The following SLCO3A1 variants were observed in gnomAD, a reference collection of about 807,000 sequenced individuals.
SLCO3A1 encodes the protein PGE1 transporter.
SLCO3A1 carries 27 observed loss-of-function variants against 63.1 expected under a neutral mutation model. The observed-to-expected ratio is 0.43, with a 90% CI of 0.32 to 0.59. The LOEUF is 0.59. SLCO3A1 is among the 20% of genes least tolerant of loss of function. The probability of loss-of-function intolerance (pLI) is 0.09; values close to 1 mark genes in which losing one functional copy is unlikely to be tolerated. For synonymous variants in SLCO3A1, 473 were observed against 409.9 expected, an observed-to-expected ratio of 1.15 and a Z score of -1.86; for missense variants, 773 against 945.8, an observed-to-expected ratio of 0.82 and a Z score of 2.40.
intron 4 of SLCO3A1, among the ~76,000 whole-genome samples, chr15:92,111,703 C>G: frequency 6.6e-6 from 1 of 152,200 alleles, no homozygotes; most frequent in African/African-American, 2.4e-5. Flanking sequence ...CAGCAAAGCT[C>G]CTGAGACAAA....
chr15:92,081,246 C>T (rs1228872028), intron 2 of SLCO3A1, among the ~76,000 whole-genome samples: 1 of 152,136 alleles, frequency 6.6e-6, no homozygotes, highest in African/African-American at 2.4e-5. Flanking sequence ...CTGCCCCCTT[C>T]CCAGCCTCTG....
chr15:92,033,754 G>T lies in SLCO3A1; in HGVS notation c.647-61127G>T, dbSNP rs1036773075. ...GACGGGGATAGGAGTGTTGGGAGTCGTACAGTTTTAGTGTCAGAGGGGCAG... is the reference window on the plus strand; with the variant it reads ...GACGGGGATAGGAGTGTTGGGAGTCTTACAGTTTTAGTGTCAGAGGGGCAG... On this transcript the variant is annotated intron_variant, in intron 2 of 9. Transcript: ENST00000318445. This position sits in a 1 kb window ranked among gnomAD's most constrained non-coding sequence, Gnocchi z 4.5. 6.6e-6 allele frequency among the ~76,000 whole-genome samples: 1 copy of T among 152,158 alleles called. No homozygotes were observed. The highest frequency in any genetic ancestry group is 2.1e-4 in the South Asian group (1 of 4,818).
chr15:91,872,376 CA>C lies in SLCO3A1; in HGVS notation c.180+18295del, dbSNP rs1175178483. On this transcript the variant is annotated intron_variant, in intron 1 of 9. Transcript: ENST00000318445. This position sits in a 1 kb window ranked among gnomAD's most constrained non-coding sequence, Gnocchi z 4.1. ...TGAAACCCCTTCTCTACTAAAAATA[CA>C]AAAAAATAGCCGGGCATGGTGGCAG... Among the ~76,000 whole-genome samples, 2 of 151,764 alleles carry C rather than the reference CA, an allele frequency of 1.3e-5. No individual in the cohort carries two copies. The highest frequency in any genetic ancestry group is 1.9e-4 in the East Asian group (1 of 5,160).
intron 2 of SLCO3A1, among the ~76,000 whole-genome samples, chr15:92,093,261 A>C (rs535199558): frequency 1.1e-3 from 160 of 152,294 alleles, no homozygotes; most frequent in African/African-American, 3.7e-3. Flanking sequence ...AGGTCTCCAG[A>C]AGCTTCCAAT....
chr15:92,127,354 A>G (rs2047937578), intron 6 of SLCO3A1, among the ~76,000 whole-genome samples: 1 of 102,512 alleles, frequency 9.8e-6, no homozygotes, highest in Non-Finnish European at 2.2e-5. Context: ...AAAAGAAAAG[A>G]AAAGTGTATA....
At chr15:91,898,296 T>C (rs1898060640) in intron 1 of SLCO3A1, among the ~76,000 whole-genome samples, 1 of 152,266 alleles carries the variant, frequency 6.6e-6, no homozygotes, top group Non-Finnish European at 1.5e-5. Flanking sequence ...TTCTAGACGC[T>C]TGAGATCACA....
intron 2 of SLCO3A1, among the ~76,000 whole-genome samples, chr15:92,003,460 A>C (rs1318901994): frequency 2.0e-5 from 3 of 152,226 alleles, no homozygotes; most frequent in Non-Finnish European, 4.4e-5. Context: ...CATTGGCCTC[A>C]GCATCTATCA....
chr15:92,053,076 T>C (rs2046976850), intron 2 of SLCO3A1, among the ~76,000 whole-genome samples: 1 of 152,178 alleles, frequency 6.6e-6, no homozygotes, highest in African/African-American at 2.4e-5. Flanking sequence ...CTTATGCCCC[T>C]AAGTTTTTCT....
At position 92,163,092 on chromosome 15, in the gene SLCO3A1, T is replaced by C; in HGVS notation, c.2090T>C (p.Leu697Pro). Residue 697 changes from leucine (L) to proline (P), a missense_variant, in exon 10 of 10, where the codon CTG becomes CCG. Physicochemically the swap from Leu to Pro is moderately conservative, Grantham distance 98. This residue lies in a region of SLCO3A1 where 139 missense variants were observed against 131.4 expected (regional missense o/e 1.06). Transcript: ENST00000318445. Reference protein sequence around the residue: ...QTHRTKFIYNLEDHEWCENME... With the variant: ...QTHRTKFIYNPEDHEWCENME... ...CATAGGACAAAGTTTATCTATAACC[T>C]GGAAGACCATGAGTGGTGTGAAAAC... The C allele has an allele frequency of 6.5e-7, 1 of 1,539,974 alleles. No homozygotes were observed. The highest frequency in any genetic ancestry group is 8.7e-7 in the Non-Finnish European group (1 of 1,145,348).
In SLCO3A1 at chr15:92,011,544, T is replaced by G. The variant is rs866036549; in HGVS notation, c.647-83337T>G. Among the ~76,000 whole-genome samples, 7 of 152,358 alleles carry G rather than the reference T, an allele frequency of 4.6e-5. No homozygotes were observed. The South Asian group carries it at 1.2e-3, about 27-fold the overall frequency. On this transcript the variant is annotated intron_variant, in intron 2 of 9. Transcript: ENST00000318445. ...AAAAATTCCATCTTATCAGAGAGGC[T>G]TACCTGGGTCACCCTATGTAAAATG...
intron 2 of SLCO3A1, among the ~76,000 whole-genome samples, chr15:92,034,442 G>C (rs748167075): frequency 6.6e-6 from 1 of 151,544 alleles, no homozygotes; most frequent in Non-Finnish European, 1.5e-5. Context: ...GGGAATGTGA[G>C]TTTATGAGTC....
intron 2 of SLCO3A1, among the ~76,000 whole-genome samples, chr15:91,922,642 T>C (rs1315963464): frequency 6.6e-6 from 1 of 152,184 alleles, no homozygotes; most frequent in Non-Finnish European, 1.5e-5. Flanking sequence ...GTGGATTGGG[T>C]ATGGATCAAA....
At chr15:92,123,676 C>T (rs1261377090) in intron 5 of SLCO3A1, among the ~76,000 whole-genome samples, 3 of 152,078 alleles carry the variant, frequency 2.0e-5, no homozygotes, top group Non-Finnish European at 4.4e-5. Flanking sequence ...CTTTGTTATC[C>T]CCAGGATCTC....
Position 91,948,988 on chromosome 15 carries a change from T to G in SLCO3A1, c.646+32530T>G, listed in dbSNP as rs1018586976. Among the ~76,000 whole-genome samples, 10 of 152,196 alleles carry G rather than the reference T, an allele frequency of 6.6e-5. No individual in the cohort carries two copies. The highest frequency in any genetic ancestry group is 1.5e-4 in the Non-Finnish European group (10 of 68,036). On this transcript the variant is annotated intron_variant, in intron 2 of 9. Transcript: ENST00000318445. This position sits in a 1 kb window ranked among gnomAD's most constrained non-coding sequence, Gnocchi z 4.8. The stretch of plus-strand genomic sequence containing the variant: ...CTTTTGGGGGAATCATTCCCTCCAT[T>G]TTTATCCCTGGTGTAAACTTCCCTG...
chr15:92,160,435 G>A (rs1567154742), intron 9 of SLCO3A1, among the ~76,000 whole-genome samples: 1 of 152,114 alleles, frequency 6.6e-6, no homozygotes. Flanking sequence ...ACACAGGGTT[G>A]GTGGGGAAGG....
intron 1 of SLCO3A1, among the ~76,000 whole-genome samples, chr15:91,904,630 G>A (rs2151371745): frequency 1.3e-5 from 2 of 152,314 alleles, no homozygotes; most frequent in Middle Eastern, 6.8e-3. Context: ...AATCAGAGCA[G>A]CAAGCTGGCA....
chr15:92,052,959 T>C (rs1597263559), intron 2 of SLCO3A1, among the ~76,000 whole-genome samples: 1 of 152,212 alleles, frequency 6.6e-6, no homozygotes, highest in East Asian at 1.9e-4. Flanking sequence ...ATTATATAGG[T>C]GACCCACATT....
chr15:91,980,623 G>A (rs1017980806), intron 2 of SLCO3A1, among the ~76,000 whole-genome samples: 1 of 152,008 alleles, frequency 6.6e-6, no homozygotes, highest in Non-Finnish European at 1.5e-5. Context: ...CATAAGAAGC[G>A]TAGCCCTGGC....
At chr15:92,017,185 A>G (rs1051772989) in intron 2 of SLCO3A1, among the ~76,000 whole-genome samples, 2 of 152,034 alleles carry the variant, frequency 1.3e-5, no homozygotes, top group African/African-American at 4.8e-5. Flanking sequence ...CAGGGAGATT[A>G]GGGAGAATGA....
Sources: gnomAD v4.1 joint callset for allele counts (sites outside exome capture counted in the v4.1 genomes callset) on GRCh38, gnomAD v4.1.1 for gene constraint, gnomAD v4.1.1 regional missense constraint, Gnocchi (gnomAD v3.1) non-coding constraint, MANE v1.5 for transcripts, NCBI Gene and HGNC (gene_info 2026-07-23, HGNC 2026-07-21) for gene names.